Variants in DLG2 observed in about 807,000 individuals in gnomAD.
The protein encoded by DLG2 is disks large homolog 2.
Under a neutral mutation model 132.5 loss-of-function variants are expected in DLG2, and 45 were observed. The observed-to-expected ratio is 0.34, with a 90% CI of 0.27 to 0.44. The LOEUF (loss-of-function observed/expected upper bound fraction) is 0.44. Ranked by LOEUF, DLG2 falls within the 20% of genes least tolerant of loss-of-function variation. The pLI, the probability that DLG2 is intolerant of heterozygous loss-of-function variation, is 1.00. For synonymous variants in DLG2, 424 were observed against 419.6 expected, an observed-to-expected ratio of 1.01 and a Z score of -0.13; for missense variants, 1,045 against 1,196.9, an observed-to-expected ratio of 0.87 and a Z score of 1.87.
intron 7 of DLG2, among the ~76,000 whole-genome samples, chr11:84,496,293 C>G (rs1476947126): frequency 6.6e-6 from 1 of 152,162 alleles, no homozygotes; most frequent in Non-Finnish European, 1.5e-5. Context: ...ACAATGACTA[C>G]TGCATTCTGA....
intron 8 of DLG2, among the ~76,000 whole-genome samples, chr11:84,196,289 C>T (rs1474942370): frequency 1.3e-5 from 2 of 152,146 alleles, no homozygotes; most frequent in Non-Finnish European, 2.9e-5. Context: ...AACTTACAAT[C>T]AATGTCACAG....
chr11:84,145,928 G>A (rs189746780), intron 9 of DLG2, among the ~76,000 whole-genome samples: 138 of 152,218 alleles, frequency 9.1e-4, no homozygotes, highest in African/African-American at 3.2e-3. Flanking sequence ...TTAGATTAAT[G>A]CCCCTCCGAA....
chr11:83,883,794 A>T (rs2154077547), intron 15 of DLG2, among the ~76,000 whole-genome samples: 1 of 150,462 alleles, frequency 6.6e-6, no homozygotes, highest in Non-Finnish European at 1.5e-5. Flanking sequence ...GTAATGTATG[A>T]ACATGTATAC....
intron 7 of DLG2, among the ~76,000 whole-genome samples, chr11:84,309,518 G>C (rs1031036541): frequency 6.6e-6 from 1 of 152,074 alleles, no homozygotes; most frequent in African/African-American, 2.4e-5. Flanking sequence ...ACTTTTCTAG[G>C]GTACAGTTTC....
At chr11:85,499,191 A>G (rs2093737097) in intron 3 of DLG2, among the ~76,000 whole-genome samples, 1 of 152,122 alleles carries the variant, frequency 6.6e-6, no homozygotes, top group African/African-American at 2.4e-5. Flanking sequence ...AACAAAATAG[A>G]CCACTAGCAA....
intron 6 of DLG2, among the ~76,000 whole-genome samples, chr11:85,043,020 A>AT (rs895205889): frequency 1.2e-4 from 18 of 151,876 alleles, no homozygotes; most frequent in African/African-American, 4.3e-4. Context: ...TTTATATTTT[A>AT]TTTTTAAAAC....
intron 6 of DLG2, chr11:84,800,505 A>G (rs1477301893): frequency 6.6e-6 from 1 of 152,210 alleles, no homozygotes; most frequent in East Asian, 1.9e-4. Context: ...ACAAATTAAA[A>G]TAGAAATCAT....
chr11:83,869,609 G>C (rs1342262691), intron 16 of DLG2, among the ~76,000 whole-genome samples: 1 of 152,178 alleles, frequency 6.6e-6, no homozygotes, highest in Non-Finnish European at 1.5e-5. Flanking sequence ...GAAAGGATGG[G>C]TTCCCTTAGA....
chr11:83,584,243 A>T (rs2097038788), intron 19 of DLG2, among the ~76,000 whole-genome samples: 1 of 152,224 alleles, frequency 6.6e-6, no homozygotes, highest in Non-Finnish European at 1.5e-5. Context: ...TATTCCTAGC[A>T]TCTAACACAG....
intron 19 of DLG2, among the ~76,000 whole-genome samples, chr11:83,603,992 C>T (rs2058956876): frequency 6.6e-6 from 1 of 152,152 alleles, no homozygotes; most frequent in African/African-American, 2.4e-5. Context: ...TTTCTCTAAA[C>T]TGCTGGTATG....
At chr11:84,340,323 T>G (rs955537641) in intron 7 of DLG2, among the ~76,000 whole-genome samples, 1 of 152,156 alleles carries the variant, frequency 6.6e-6, no homozygotes, top group Non-Finnish European at 1.5e-5. Context: ...ATGCACTGTA[T>G]TTTTTTAAAT....
At chr11:85,080,539 G>C (rs2067100895) in intron 6 of DLG2, among the ~76,000 whole-genome samples, 1 of 152,068 alleles carries the variant, frequency 6.6e-6, no homozygotes, top group Non-Finnish European at 1.5e-5. Context: ...TGTCATATGA[G>C]AGCAGTTTAT....
In DLG2 at chr11:83,541,855, G is replaced by A. The variant is rs145125193; in HGVS notation, c.1944C>T (p.Ala648=). 1.2e-6 allele frequency: 2 copies of A among 1,600,788 alleles called. No individual in the cohort carries two copies. Among genetic ancestry groups the A allele is most frequent in the Non-Finnish European group, 1.7e-6 (2 of 1,173,116 alleles). The change falls in exon 20 of 28, where the codon GCC becomes GCT. Residue 648 remains alanine, a synonymous_variant. Coordinates refer to ENST00000376104, the MANE Select transcript of DLG2 (RefSeq NM_001142699.3). ...TNQKRSLYVR[A]MFDYDKSKDS... is the part of the protein sequence containing the mutation. The stretch of plus-strand genomic sequence containing the variant: ...CCTTGCTCTTGTCGTAGTCGAACAT[G>A]GCTCTGGAGGAAAGGACAAAAGAGG...
chr11:84,355,028 T>C (rs1226634973), intron 7 of DLG2, among the ~76,000 whole-genome samples: 1 of 152,116 alleles, frequency 6.6e-6, no homozygotes, highest in Non-Finnish European at 1.5e-5. Context: ...TAATGTCTTA[T>C]GGGAATGAGT....
chr11:85,191,881 T>G (rs1215089177), intron 4 of DLG2, among the ~76,000 whole-genome samples: 1 of 152,224 alleles, frequency 6.6e-6, no homozygotes, highest in Non-Finnish European at 1.5e-5. Context: ...GAGATGGCTA[T>G]TATTATTTTC....
intron 9 of DLG2, among the ~76,000 whole-genome samples, chr11:84,150,216 G>C (rs893108222): frequency 1.3e-5 from 2 of 152,258 alleles, no homozygotes; most frequent in Non-Finnish European, 1.5e-5. Context: ...CCATTTGTTT[G>C]TGTCATCTCT....
chr11:84,143,902 G>GA (rs1219882680), intron 9 of DLG2, among the ~76,000 whole-genome samples: 2 of 152,098 alleles, frequency 1.3e-5, no homozygotes, highest in African/African-American at 4.8e-5. Context: ...AGGGTTTGGG[G>GA]ATAAGGTACA....
At chr11:83,989,782 G>A (rs1186338637) in intron 11 of DLG2, among the ~76,000 whole-genome samples, 1 of 152,104 alleles carries the variant, frequency 6.6e-6, no homozygotes, top group East Asian at 1.9e-4. Flanking sequence ...GTAAGACAGG[G>A]TAGTCCCTAC....
chr11:85,137,809 G>A (rs1195415949), intron 5 of DLG2, among the ~76,000 whole-genome samples: 2 of 152,086 alleles, frequency 1.3e-5, no homozygotes, highest in African/African-American at 4.8e-5. Flanking sequence ...TGCAAAGCTT[G>A]TTAGCTTAGT....
Sources: allele counts gnomAD v4.1 joint callset (sites outside exome capture counted in the v4.1 genomes callset), GRCh38; gene constraint gnomAD v4.1.1; transcripts MANE v1.5; gene names NCBI Gene and HGNC (gene_info 2026-07-23, HGNC 2026-07-21).